The following CWF19L2 variants were observed in gnomAD, a reference collection of about 807,000 sequenced individuals.
CWF19L2 encodes the protein CWF19 like cell cycle control factor 2, also known as CWF19-like protein 2.
Under a neutral mutation model 111.7 loss-of-function variants are expected in CWF19L2, and 98 were observed. That is an observed-to-expected ratio of 0.88 (90% CI 0.75 to 1.04). CWF19L2 has a LOEUF of 1.04. CWF19L2 is among the 50% of genes least tolerant of loss of function. The pLI is 0.00. For missense variants in CWF19L2, 1,101 were observed against 1,051.4 expected (o/e 1.05, Z -0.65); for synonymous variants, 351 against 342.9 (o/e 1.02, Z -0.26).
chr11:107,442,352 T>G (rs1274209301), intron 4 of CWF19L2, among the ~76,000 whole-genome samples: 1 of 152,160 alleles, frequency 6.6e-6, no homozygotes, highest in East Asian at 1.9e-4. Flanking sequence ...ATTTTCATAT[T>G]CATTTATTCT....
intron 16 of CWF19L2, among the ~76,000 whole-genome samples, chr11:107,330,460 A>C (rs1859829249): frequency 6.6e-6 from 1 of 152,124 alleles, no homozygotes. Flanking sequence ...ATATTTATCA[A>C]AGATAAATTA....
At chr11:107,449,621 T>C (rs774377935) in intron 3 of CWF19L2, among the ~76,000 whole-genome samples, 1 of 151,260 alleles carries the variant, frequency 6.6e-6, no homozygotes, top group African/African-American at 2.4e-5. Flanking sequence ...AAAGTCTAAT[T>C]ATAAAAGTAA....
intron 7 of CWF19L2, among the ~76,000 whole-genome samples, chr11:107,432,218 A>C (rs1861474660): frequency 6.6e-6 from 1 of 152,164 alleles, no homozygotes. Flanking sequence ...ATCCCAAAAG[A>C]AAAATGGAAA....
intron 15 of CWF19L2, 116 bp from the exon 16 acceptor site, chr11:107,335,077 T>G (rs926072434): frequency 1.5e-6 from 1 of 673,142 alleles, no homozygotes; most frequent in African/African-American, 1.8e-5. Flanking sequence ...TAGTAAGCCA[T>G]TATTCTGAAC....
At chr11:107,397,517 C>A (rs912775512) in intron 10 of CWF19L2, among the ~76,000 whole-genome samples, 7 of 152,128 alleles carry the variant, frequency 4.6e-5, no homozygotes, top group Non-Finnish European at 1.0e-4. Context: ...CAGCAAGACG[C>A]GCCCACGGAG....
intron 10 of CWF19L2, among the ~76,000 whole-genome samples, chr11:107,407,594 A>C (rs1273824186): frequency 6.6e-6 from 1 of 151,654 alleles, no homozygotes. Context: ...AAAAATAATG[A>C]GCATTTGAGG....
At chr11:107,455,964 G>A (rs1861848834) in intron 1 of CWF19L2, among the ~76,000 whole-genome samples, 188 bp from the exon 2 acceptor site, 3 of 152,168 alleles carry the variant, frequency 2.0e-5, no homozygotes, top group African/African-American at 7.2e-5. Flanking sequence ...ACAAAACAAA[G>A]CAAAAATCTC....
At chr11:107,453,616 G>A (rs1354393319) in intron 3 of CWF19L2, among the ~76,000 whole-genome samples, 2 of 151,580 alleles carry the variant, frequency 1.3e-5, no homozygotes, top group Non-Finnish European at 2.9e-5. Context: ...TCCCAGCTGT[G>A]GTGGCTATGG....
intron 12 of CWF19L2, among the ~76,000 whole-genome samples, chr11:107,386,932 T>C (rs1860775080): frequency 6.6e-6 from 1 of 151,816 alleles, no homozygotes; most frequent in African/African-American, 2.4e-5. Flanking sequence ...TGCGTGCCTA[T>C]AGTCCCAGCT....
At chr11:107,394,376 T>C (rs990025470) in intron 10 of CWF19L2, among the ~76,000 whole-genome samples, 3 of 152,184 alleles carry the variant, frequency 2.0e-5, no homozygotes, top group East Asian at 1.9e-4. Flanking sequence ...CATTATAAGC[T>C]GGCATCTAAC....
chr11:107,417,565 G>T (rs1024465375), intron 9 of CWF19L2, among the ~76,000 whole-genome samples: 39 of 152,232 alleles, frequency 2.6e-4, no homozygotes, highest in Admixed American at 2.6e-3. Context: ...CAAAAATGAG[G>T]TAGAAAAAGT....
At chr11:107,439,035 G>GATAA in intron 6 of CWF19L2, 55 bp downstream of exon 6, 1 of 288,602 alleles carries the variant, frequency 3.5e-6, no homozygotes, top group Non-Finnish European at 5.7e-6. Flanking sequence ...ACTCTGTCTC[G>GATAA]AAAAAAAAAA....
At chr11:107,412,815 A>C (rs1861176646) in intron 10 of CWF19L2, among the ~76,000 whole-genome samples, 1 of 152,250 alleles carries the variant, frequency 6.6e-6, no homozygotes, top group South Asian at 2.1e-4. Context: ...CTAAAAAGAA[A>C]TGAGCTATCA....
chr11:107,357,962 G>C (rs1293268382), intron 12 of CWF19L2, among the ~76,000 whole-genome samples: 1 of 152,122 alleles, frequency 6.6e-6, no homozygotes, highest in Non-Finnish European at 1.5e-5. Flanking sequence ...TCATCATTTA[G>C]ACAGAACCCT....
intron 8 of CWF19L2, among the ~76,000 whole-genome samples, chr11:107,421,603 G>A (rs528691789): frequency 1.3e-5 from 2 of 152,050 alleles, no homozygotes; most frequent in South Asian, 2.1e-4. Flanking sequence ...AGAGATGTTC[G>A]GCATCAGTAG....
At chr11:107,386,888 T>C (rs1191167557) in intron 12 of CWF19L2, among the ~76,000 whole-genome samples, 1 of 152,038 alleles carries the variant, frequency 6.6e-6, no homozygotes, top group African/African-American at 2.4e-5. Flanking sequence ...ACCCCGTCTC[T>C]ACTAAAAACA....
At chr11:107,330,644 CCACACACACACACACACACACACA>C (rs56313409) in intron 16 of CWF19L2, among the ~76,000 whole-genome samples, 2 of 121,642 alleles carry the variant, frequency 1.6e-5, no homozygotes, top group East Asian at 2.5e-4. Flanking sequence ...ACCCCCCCCA[CCACACACACACACACACACACACA>C]CACACACACA....
intron 3 of CWF19L2, 119 bp from the exon 4 acceptor site, chr11:107,443,168 C>T (rs11212241): frequency 0.035 from 24,344 of 692,574 alleles, 713 homozygotes; most frequent in East Asian, 0.14. Flanking sequence ...ACTGTATTTC[C>T]CCTTTACAAA....
chr11:107,445,234 T>C (rs1565288538), intron 3 of CWF19L2, among the ~76,000 whole-genome samples: 2 of 152,204 alleles, frequency 1.3e-5, no homozygotes, highest in South Asian at 4.1e-4. Flanking sequence ...TAAATCCTTT[T>C]TGCAAAATCC....
Sources: gnomAD v4.1 joint callset for allele counts (sites outside exome capture counted in the v4.1 genomes callset) on GRCh38, gnomAD v4.1.1 for gene constraint, MANE v1.5 for transcripts, NCBI Gene and HGNC (gene_info 2026-07-23, HGNC 2026-07-21) for gene names.